The following INPP4B variants were observed in gnomAD, a reference collection of about 807,000 sequenced individuals.
The protein encoded by INPP4B is inositol polyphosphate 4-phosphatase type II.
In INPP4B, 55 loss-of-function variants were observed where a neutral mutation model predicts 122.5. That is an observed-to-expected ratio of 0.45 (90% CI 0.36 to 0.56). The LOEUF is 0.56. Ranked by LOEUF, INPP4B falls within the 20% of genes least tolerant of loss-of-function variation. The probability of loss-of-function intolerance (pLI) is 0.00; values close to 1 mark genes in which losing one functional copy is unlikely to be tolerated. For synonymous variants in INPP4B, 403 were observed against 388.7 expected (o/e 1.04, Z -0.43); for missense variants, 1,000 against 1,097.7 (o/e 0.91, Z 1.26).
chr4:142,579,091 A>G (rs1734458579), intron 2 of INPP4B, among the ~76,000 whole-genome samples: 1 of 152,078 alleles, frequency 6.6e-6, no homozygotes, highest in Non-Finnish European at 1.5e-5. Context: ...TTTATTTAAT[A>G]GAATAGAGTT....
intron 2 of INPP4B, among the ~76,000 whole-genome samples, chr4:142,464,479 G>A (rs960428594): frequency 1.3e-5 from 2 of 151,894 alleles, no homozygotes; most frequent in Non-Finnish European, 2.9e-5. Flanking sequence ...ATATAAGCAG[G>A]TGAAACTACA....
At chr4:142,048,155 T>C (rs866097750) in intron 25 of INPP4B, among the ~76,000 whole-genome samples, 2 of 152,086 alleles carry the variant, frequency 1.3e-5, no homozygotes, top group South Asian at 4.1e-4. Flanking sequence ...GTCCAAACTC[T>C]CACTGGTAAC....
At chr4:142,410,971 T>A (rs1426774590) in intron 5 of INPP4B, among the ~76,000 whole-genome samples, 2 of 152,132 alleles carry the variant, frequency 1.3e-5, no homozygotes, top group Non-Finnish European at 2.9e-5. Flanking sequence ...ATACCTGTGA[T>A]TTTTTTCACC....
chr4:142,274,975 G>A (rs767513433), intron 9 of INPP4B, among the ~76,000 whole-genome samples: 6 of 149,254 alleles, frequency 4.0e-5, no homozygotes, highest in Non-Finnish European at 6.0e-5. Context: ...GACAAAGATC[G>A]GGAAAATTTC....
intron 25 of INPP4B, among the ~76,000 whole-genome samples, chr4:142,068,181 A>C (rs545662412): frequency 6.6e-6 from 1 of 152,230 alleles, no homozygotes; most frequent in Non-Finnish European, 1.5e-5. Context: ...AATATTCAAC[A>C]ATCTTAAAGA....
chr4:142,414,800 T>A (rs1805329749), intron 5 of INPP4B, among the ~76,000 whole-genome samples: 2 of 152,216 alleles, frequency 1.3e-5, no homozygotes, highest in South Asian at 2.1e-4. Context: ...CCGCCTATCG[T>A]TGCATTCAGA....
intron 21 of INPP4B, among the ~76,000 whole-genome samples, chr4:142,116,342 A>G (rs1444842602): frequency 6.6e-6 from 1 of 152,158 alleles, no homozygotes; most frequent in African/African-American, 2.4e-5. Context: ...TCTCCACCCC[A>G]AATCAACAGA....
In INPP4B at chr4:142,294,502, T is replaced by C. The variant is rs146948985; in HGVS notation, c.503+10956A>G. Among the ~76,000 whole-genome samples the C allele has an allele frequency of 5.1e-4, 77 of 152,026 alleles. No individual in the cohort carries two copies. In the South Asian group the frequency reaches 7.3e-3, roughly 14 times the overall value. On this transcript the variant is annotated intron_variant, in intron 9 of 25. Transcript: ENST00000262992. Reference sequence around the variant, plus strand: ...ATACCAGGTGGATAAGATATCTTCCTTGGACAAGGGATATAAAAAAATGGT... The same window carrying C: ...ATACCAGGTGGATAAGATATCTTCCCTGGACAAGGGATATAAAAAAATGGT...
At chr4:142,631,979 G>A (rs1204620978) in intron 2 of INPP4B, among the ~76,000 whole-genome samples, 1 of 152,092 alleles carries the variant, frequency 6.6e-6, no homozygotes, top group Non-Finnish European at 1.5e-5. Context: ...AGACCCAAGG[G>A]TTATATACCA....
chr4:142,352,207 G>A (rs1307765923), intron 7 of INPP4B, among the ~76,000 whole-genome samples: 2 of 151,866 alleles, frequency 1.3e-5, no homozygotes, highest in Non-Finnish European at 2.9e-5. Context: ...TTCCTGTATA[G>A]TACAACGAAG....
chr4:142,656,605 T>C (rs1219096207), intron 2 of INPP4B, among the ~76,000 whole-genome samples: 2 of 152,092 alleles, frequency 1.3e-5, no homozygotes, highest in East Asian at 3.9e-4. Context: ...CCTAACCACT[T>C]CCCGTTGCAG....
chr4:142,802,704 A>G, intron 1 of INPP4B, among the ~76,000 whole-genome samples: 1 of 152,068 alleles, frequency 6.6e-6, no homozygotes, highest in African/African-American at 2.4e-5. Flanking sequence ...ATGTCAACTT[A>G]CTCAGCCTAC....
Position 142,592,508 on chromosome 4 carries a change from T to C in INPP4B, c.-190-129782A>G, listed in dbSNP as rs565883196. Among the ~76,000 whole-genome samples, 14 of 152,300 alleles carry C rather than the reference T, an allele frequency of 9.2e-5. No individual in the cohort carries two copies. In the South Asian group the frequency reaches 2.7e-3, roughly 29 times the overall value. ...AAATGACAAAGATCTGTGTTATTTG[T>C]TCAAAAGATCTTAAATAACCATCAT... On this transcript the variant is annotated intron_variant, in intron 2 of 25. Transcript: ENST00000262992.
intron 1 of INPP4B, among the ~76,000 whole-genome samples, chr4:142,756,004 G>C (rs1216945544): frequency 6.6e-6 from 1 of 151,970 alleles, no homozygotes; most frequent in African/African-American, 2.4e-5. Flanking sequence ...CTTATCTCTA[G>C]ATCCAGTCCC....
chr4:142,795,040 A>G (rs1777050736), intron 1 of INPP4B: 1 of 151,970 alleles, frequency 6.6e-6, no homozygotes, highest in Non-Finnish European at 1.5e-5. Flanking sequence ...TCAGGAATAA[A>G]GTTGATTAAT....
At chr4:142,590,189 G>T (rs1214050712) in intron 2 of INPP4B, among the ~76,000 whole-genome samples, 1 of 152,108 alleles carries the variant, frequency 6.6e-6, no homozygotes, top group African/African-American at 2.4e-5. Flanking sequence ...TACTATAATG[G>T]TGAATACATG....
intron 18 of INPP4B, among the ~76,000 whole-genome samples, chr4:142,145,519 TTATC>T (rs1182013777): frequency 6.6e-6 from 1 of 152,152 alleles, no homozygotes; most frequent in African/African-American, 2.4e-5. Context: ...AGATGCTTAT[TTATC>T]TTTCTAATAA....
intron 14 of INPP4B, among the ~76,000 whole-genome samples, chr4:142,193,671 T>A (rs1836955164): frequency 6.6e-6 from 1 of 152,158 alleles, no homozygotes. Flanking sequence ...TTTTAAAAAA[T>A]CTATACAGAG....
chr4:142,144,950 G>T (rs1354312778), intron 18 of INPP4B, among the ~76,000 whole-genome samples: 1 of 151,844 alleles, frequency 6.6e-6, no homozygotes, highest in East Asian at 1.9e-4. Context: ...ACAGATTTCA[G>T]CAGAAGAGAG....
Sources: allele counts gnomAD v4.1 joint callset (sites outside exome capture counted in the v4.1 genomes callset), GRCh38; gene constraint gnomAD v4.1.1; transcripts MANE v1.5; gene names NCBI Gene and HGNC (gene_info 2026-07-23, HGNC 2026-07-21).